Variants in DHRS12 observed in about 807,000 individuals in gnomAD.
The protein encoded by DHRS12 is dehydrogenase/reductase 12, also known as dehydrogenase/reductase SDR family member 12.
In DHRS12, 29 loss-of-function variants were observed where a neutral mutation model predicts 32.1. The ratio of observed to expected loss-of-function variants is 0.90; its 90% CI spans 0.67 to 1.23. The LOEUF is 1.23. Ranked by LOEUF, DHRS12 falls within the 50% of genes most tolerant of loss-of-function variation. The pLI is 0.00. For missense variants in DHRS12, 330 were observed against 337.2 expected (o/e 0.98, Z 0.17); for synonymous variants, 150 against 135.9 (o/e 1.10, Z -0.72).
the DHRS12 span, chr13:51,756,493 G>A: frequency 6.3e-7 from 1 of 1,599,164 alleles, no homozygotes; most frequent in Non-Finnish European, 8.5e-7. Context: ...GACCGCTTCA[G>A]GTTAAGGCGA....
At chr13:51,771,347 A>C in intron 7 of DHRS12, 1 of 1,609,788 alleles carries the variant, frequency 6.2e-7, no homozygotes, top group South Asian at 1.1e-5. Flanking sequence ...GCTCCCCTCC[A>C]CCGCTGCTCC....
At chr13:51,772,943 G>C (rs1386157917) in intron 6 of DHRS12, 1 of 985,400 alleles carries the variant, frequency 1.0e-6, no homozygotes, top group East Asian at 1.1e-4. Flanking sequence ...TGGAGGTGCA[G>C]AGAGTCTCAG....
intron 1 of DHRS12, among the ~76,000 whole-genome samples, chr13:51,800,514 G>A (rs1056965856): frequency 2.0e-5 from 3 of 152,210 alleles, no homozygotes; most frequent in African/African-American, 7.2e-5. Context: ...GGCAGGCTGG[G>A]GTCTCAGAGC....
At chr13:51,772,701 A>C in intron 6 of DHRS12, 1 of 985,496 alleles carries the variant, frequency 1.0e-6, no homozygotes, top group Non-Finnish European at 1.2e-6. Context: ...TCCCAGCTGC[A>C]GTCACACTAT....
chr13:51,761,238 A>G, the DHRS12 span: 1 of 152,236 alleles, frequency 6.6e-6, no homozygotes, highest in South Asian at 2.1e-4. Flanking sequence ...TAGAAAGTGA[A>G]CCTGAAGAAC....
At chr13:51,764,914 A>G (rs9535754), downstream of DHRS12, 40,869 of 151,468 alleles carry the variant, frequency 0.27, 5,618 homozygotes, top group South Asian at 0.36. Flanking sequence ...GTGGCAGGAG[A>G]GGATTGTTCT....
the DHRS12 span, chr13:51,756,246 C>T: frequency 2.0e-6 from 3 of 1,529,420 alleles, no homozygotes; most frequent in African/African-American, 1.4e-5. Context: ...CAGTTGATTA[C>T]ACCTCTCTGC....
intron 7 of DHRS12, 148 bp from the exon 8 acceptor site, chr13:51,769,441 C>G: frequency 2.9e-6 from 2 of 696,294 alleles, no homozygotes; most frequent in Non-Finnish European, 4.5e-6. Flanking sequence ...CCAAGCCACT[C>G]GGAACCAGTT....
chr13:51,767,426 A>T (rs1953784461), downstream of DHRS12: 2 of 152,188 alleles, frequency 1.3e-5, no homozygotes, highest in Non-Finnish European at 2.9e-5. Context: ...CCTGGATCAG[A>T]GTGTCTCCAG....
At chr13:51,757,901 G>A in the DHRS12 span, among the ~76,000 whole-genome samples, 2 of 151,444 alleles carry the variant, frequency 1.3e-5, no homozygotes, top group Non-Finnish European at 2.9e-5. Flanking sequence ...CAAAAGCCCT[G>A]TGGTTTTAAA....
chr13:51,767,947 C>G (rs1336458105), downstream of DHRS12: 5 of 1,307,902 alleles, frequency 3.8e-6, no homozygotes, highest in African/African-American at 6.0e-5. Flanking sequence ...GAAAACCATT[C>G]TCGAATAAAT....
intron 1 of DHRS12, among the ~76,000 whole-genome samples, chr13:51,802,169 T>TCA (rs56270918): frequency 0.039 from 5,511 of 139,774 alleles, 133 homozygotes; most frequent in South Asian, 0.05. Context: ...TCTCTATTTT[T>TCA]CACACACACA....
chr13:51,758,676 C>T, the DHRS12 span, among the ~76,000 whole-genome samples: 1 of 152,118 alleles, frequency 6.6e-6, no homozygotes, highest in South Asian at 2.1e-4. Context: ...GACAGAGCTC[C>T]AGCCTGCAAG....
intron 7 of DHRS12, chr13:51,770,810 T>C (rs932041806): frequency 1.7e-5 from 18 of 1,037,376 alleles, no homozygotes; most frequent in East Asian, 8.3e-5. Context: ...TTTAATGATA[T>C]AGTGCACACA....
At position 51,769,308 on chromosome 13, in the gene DHRS12, G is replaced by C; in HGVS notation, c.560-15C>G. 1 of 1,539,088 alleles carries C rather than the reference G, an allele frequency of 6.5e-7. No homozygotes were observed. The highest frequency in any genetic ancestry group is 8.8e-7 in the Non-Finnish European group (1 of 1,141,508). ...CTGCCTCACACCTGGGAGAAGGAAG[G>C]GTCAGGCGGATTAGGACAGCATTCT... On this transcript the variant is annotated splice_polypyrimidine_tract_variant and intron_variant, in intron 7 of 8. Coordinates refer to ENST00000444610, the MANE Select transcript of DHRS12 (RefSeq NM_001377533.1).
downstream of DHRS12, chr13:51,763,323 TAATTA>T (rs1953648564): frequency 6.6e-6 from 1 of 151,786 alleles, no homozygotes; most frequent in Admixed American, 6.6e-5. Context: ...GTGGGGGAGG[TAATTA>T]TTGCCTTCAT....
chr13:51,772,710 A>G (rs1352316036), intron 6 of DHRS12: 1 of 985,362 alleles, frequency 1.0e-6, no homozygotes, highest in East Asian at 1.1e-4. Context: ...CAGTCACACT[A>G]TTGCCCCATC....
At position 51,777,914 on chromosome 13, in the gene DHRS12, G is replaced by A. The variant is rs142442447; in HGVS notation, c.302-793C>T. On this transcript the variant is annotated intron_variant, in intron 4 of 8. Transcript: ENST00000444610. ...ACTCTGTGTTTACAAAAAAGGGAGA[G>A]TTTAAAGCCCCTTACCCCAAAGTGA... 8.6e-4 allele frequency among the ~76,000 whole-genome samples: 131 copies of A among 152,346 alleles called. 1 individual carries two copies. Among genetic ancestry groups the A allele is most frequent in the African/African-American group, 3.1e-3 (128 of 41,578 alleles).
chr13:51,784,312 G>A (rs1219523396), intron 4 of DHRS12, among the ~76,000 whole-genome samples: 1 of 152,168 alleles, frequency 6.6e-6, no homozygotes, highest in Non-Finnish European at 1.5e-5. Context: ...CCAGGCTCAG[G>A]GGAAGGAATG....
Sources: gnomAD v4.1 joint callset for allele counts (sites outside exome capture counted in the v4.1 genomes callset) on GRCh38, gnomAD v4.1.1 for gene constraint, MANE v1.5 for transcripts, NCBI Gene and HGNC (gene_info 2026-07-23, HGNC 2026-07-21) for gene names.